Variants in PRKCA observed in about 807,000 individuals in gnomAD.
PRKCA encodes protein kinase C alpha.
PRKCA carries 27 observed loss-of-function variants against 87.0 expected under a neutral mutation model. The ratio of observed to expected loss-of-function variants is 0.31; its 90% CI spans 0.23 to 0.43. The LOEUF (loss-of-function observed/expected upper bound fraction) is 0.43. Ranked by LOEUF, PRKCA falls within the 20% of genes least tolerant of loss-of-function variation. The pLI is 1.00. For synonymous variants in PRKCA, 329 were observed against 311.1 expected, an observed-to-expected ratio of 1.06 and a Z score of -0.61; for missense variants, 518 against 852.3, an observed-to-expected ratio of 0.61 and a Z score of 4.88.
At chr17:66,766,663 C>A (rs1974818427) in intron 13 of PRKCA, among the ~76,000 whole-genome samples, 1 of 152,008 alleles carries the variant, frequency 6.6e-6, no homozygotes, top group Non-Finnish European at 1.5e-5. Context: ...CAAAAATTAG[C>A]TGGGCATGGT....
rs2144038541 is a variant in PRKCA, at chr17:66,689,056, A to G, written c.918+9A>G. 1 of 1,557,722 alleles carries G rather than the reference A, an allele frequency of 6.4e-7. No homozygotes were observed. Among genetic ancestry groups the G allele is most frequent in the South Asian group, 1.2e-5 (1 of 84,864 alleles). ...TCAGGCAGAAATTCGAGGTGAGGAT[A>G]ACAAAATGCCCGGAAACACCTTTCC... On this transcript the variant is annotated intron_variant, in intron 8 of 16. Transcript: ENST00000413366. This position sits in a 1 kb window ranked among gnomAD's most constrained non-coding sequence, Gnocchi z 4.1.
At chr17:66,535,191 C>T (rs568930993) in intron 3 of PRKCA, among the ~76,000 whole-genome samples, 17 of 152,176 alleles carry the variant, frequency 1.1e-4, no homozygotes, top group Admixed American at 7.9e-4. Context: ...CTTGAACCTG[C>T]GTTGTGATTT....
At chr17:66,728,569 T>C (rs181775542) in intron 8 of PRKCA, among the ~76,000 whole-genome samples, 194 of 152,366 alleles carry the variant, frequency 1.3e-3, no homozygotes, top group Admixed American at 5.4e-3. Flanking sequence ...AGTACTTGAA[T>C]GTAAAAATGC....
intron 3 of PRKCA, among the ~76,000 whole-genome samples, chr17:66,603,754 A>G (rs900826738): frequency 2.2e-4 from 33 of 152,130 alleles, no homozygotes; most frequent in Non-Finnish European, 4.3e-4. Context: ...CTCATGAAAC[A>G]CCAGCTCCTC....
chr17:66,534,213 GTTA>G (rs1261609070), intron 3 of PRKCA, among the ~76,000 whole-genome samples: 1 of 152,158 alleles, frequency 6.6e-6, no homozygotes, highest in Non-Finnish European at 1.5e-5. Flanking sequence ...AACTGGGTCA[GTTA>G]TTATTGTTCT....
At chr17:66,768,713 T>C (rs1168830529) in intron 13 of PRKCA, among the ~76,000 whole-genome samples, 2 of 152,150 alleles carry the variant, frequency 1.3e-5, no homozygotes, top group African/African-American at 4.8e-5. Flanking sequence ...TTGTGAGAAT[T>C]CACTCACTAT....
chr17:66,741,872 C>T (rs1334935519), intron 12 of PRKCA, 151 bp downstream of exon 12: 1 of 661,524 alleles, frequency 1.5e-6, no homozygotes, highest in East Asian at 2.9e-5. Context: ...CCTCCTCACC[C>T]TGGAGGCAAA....
At chr17:66,667,659 C>G (rs1972075987) in intron 5 of PRKCA, among the ~76,000 whole-genome samples, 1 of 152,158 alleles carries the variant, frequency 6.6e-6, no homozygotes, top group Non-Finnish European at 1.5e-5. Flanking sequence ...GAACCACATT[C>G]AAAAGCCACC....
At chr17:66,516,025 A>G (rs1413042561) in intron 3 of PRKCA, among the ~76,000 whole-genome samples, 1 of 152,172 alleles carries the variant, frequency 6.6e-6, no homozygotes, top group African/African-American at 2.4e-5. Context: ...TTCAGTCATA[A>G]TATTCTTATT....
chr17:66,548,681 C>T (rs1968226252), intron 3 of PRKCA, among the ~76,000 whole-genome samples: 1 of 152,032 alleles, frequency 6.6e-6, no homozygotes, highest in Non-Finnish European at 1.5e-5. Context: ...CTGCATGGGC[C>T]CTAAATGCCA....
chr17:66,381,212 G>T (rs991851832), intron 2 of PRKCA, among the ~76,000 whole-genome samples: 2 of 152,190 alleles, frequency 1.3e-5, no homozygotes, highest in Admixed American at 6.5e-5. Flanking sequence ...AAAGTGCTGG[G>T]ATTACAAGTG....
chr17:66,615,546 C>A lies in PRKCA; in HGVS notation c.289-25809C>A, dbSNP rs181583206. ...CATTCATAGGCAGAGAACTGTCTAT[C>A]CTTCAAGCCTGAGAGAAAATGAATA... On this transcript the variant is annotated intron_variant, in intron 3 of 16. Coordinates refer to ENST00000413366, the MANE Select transcript of PRKCA (RefSeq NM_002737.3). 1.5e-4 allele frequency among the ~76,000 whole-genome samples: 23 copies of A among 152,258 alleles called. No individual in the cohort carries two copies. In the East Asian group the frequency reaches 4.5e-3, roughly 29 times the overall value.
At chr17:66,703,790 A>G (rs35810462) in intron 8 of PRKCA, 92,357 of 150,538 alleles carry the variant, frequency 0.61, 28,404 homozygotes, top group African/African-American at 0.66. Context: ...CCGAGACTCC[A>G]TCTCAAGAAA....
At chr17:66,373,443 A>G (rs969029834) in intron 2 of PRKCA, among the ~76,000 whole-genome samples, 33 of 152,206 alleles carry the variant, frequency 2.2e-4, no homozygotes, top group African/African-American at 8.0e-4. Flanking sequence ...CTTCACTGTC[A>G]TGCATTACTG....
chr17:66,356,386 A>G (rs1908053936), intron 2 of PRKCA, among the ~76,000 whole-genome samples: 1 of 152,210 alleles, frequency 6.6e-6, no homozygotes, highest in African/African-American at 2.4e-5. Context: ...CTGTAATCCC[A>G]GCACTTTGGG....
At chr17:66,801,134 C>T (rs1386840989) in intron 16 of PRKCA, among the ~76,000 whole-genome samples, 4 of 152,226 alleles carry the variant, frequency 2.6e-5, no homozygotes, top group South Asian at 4.1e-4. Context: ...CTCTCACATA[C>T]GGCTGCTCCT....
At chr17:66,710,608 A>G (rs1254159845) in intron 8 of PRKCA, among the ~76,000 whole-genome samples, 3 of 151,728 alleles carry the variant, frequency 2.0e-5, no homozygotes, top group Non-Finnish European at 4.4e-5. Context: ...CTTGAATCTC[A>G]CACCTACTTG....
intron 5 of PRKCA, among the ~76,000 whole-genome samples, chr17:66,671,757 G>A (rs1276831002): frequency 1.3e-5 from 2 of 152,178 alleles, no homozygotes; most frequent in African/African-American, 4.8e-5. Context: ...CCGAGTCGGG[G>A]GCTTGTACCA....
chr17:66,516,531 G>A (rs542664757), intron 3 of PRKCA, among the ~76,000 whole-genome samples: 3 of 152,062 alleles, frequency 2.0e-5, no homozygotes, highest in Non-Finnish European at 4.4e-5. Flanking sequence ...TACTTGGGAG[G>A]TTGAGGCTGC....
Sources: gnomAD v4.1 joint callset for allele counts (sites outside exome capture counted in the v4.1 genomes callset) on GRCh38, gnomAD v4.1.1 for gene constraint, Gnocchi (gnomAD v3.1) non-coding constraint, MANE v1.5 for transcripts, NCBI Gene and HGNC (gene_info 2026-07-23, HGNC 2026-07-21) for gene names.